The following OSCP1 variants were observed in gnomAD, a reference collection of about 807,000 sequenced individuals.
OSCP1 encodes organic solute carrier partner 1, also known as protein OSCP1.
A neutral mutation model predicts 45.1 loss-of-function variants in OSCP1; 35 were observed. The observed-to-expected ratio is 0.78, with a 90% confidence interval of 0.59 to 1.03. OSCP1 has a LOEUF of 1.03. Ranked by LOEUF, OSCP1 falls within the 50% of genes least tolerant of loss-of-function variation. The pLI is 0.00. For synonymous variants in OSCP1, 179 were observed against 180.1 expected (o/e 0.99, Z 0.05); for missense variants, 400 against 470.7 (o/e 0.85, Z 1.39).
rs867531784 is a variant in OSCP1 at position 36,429,956 on chromosome 1, G to A, written c.516+1846C>T. On this transcript the variant is annotated intron_variant, in intron 4 of 9. Transcript: ENST00000235532. ...CTCCCGAGTAGCTGGGATTAAAGGC[G>A]CCTGGCTAATTTTTGTATTTTTAGT... 4.6e-5 allele frequency among the ~76,000 whole-genome samples: 7 copies of A among 151,886 alleles called. 1 individual carries two copies. The highest frequency in any genetic ancestry group is 4.2e-4 in the South Asian group (2 of 4,806).
rs1649622710 is a variant in OSCP1 at position 36,447,543 on chromosome 1, T to C, written c.112+2715A>G. Among the ~76,000 whole-genome samples the C allele has an allele frequency of 6.6e-6, 1 of 152,132 alleles. No homozygotes were observed. Among genetic ancestry groups the C allele is most frequent in the Admixed American group, 6.5e-5 (1 of 15,272 alleles). ...GGACATTGGTTATAGTAAGGGGACATTGGCTGAGTATGAACTTTGGAGCCT... is the reference window on the plus strand; with the variant it reads ...GGACATTGGTTATAGTAAGGGGACACTGGCTGAGTATGAACTTTGGAGCCT... On this transcript the variant is annotated intron_variant, in intron 1 of 9. Coordinates refer to ENST00000235532, the MANE Select transcript of OSCP1 (RefSeq NM_145047.5). This position sits in a 1 kb window ranked among gnomAD's most constrained non-coding sequence, Gnocchi z 4.1.
chr1:36,429,560 T>TTTTTTTTTTTA (rs71053932), intron 4 of OSCP1, among the ~76,000 whole-genome samples: 1 of 118,510 alleles, frequency 8.4e-6, no homozygotes, highest in African/African-American at 3.3e-5. Context: ...TTTTTTTTTT[T>TTTTTTTTTTTA]GAGACATGGT....
chr1:36,445,244 G>A (rs547870989), intron 1 of OSCP1, among the ~76,000 whole-genome samples: 2 of 152,306 alleles, frequency 1.3e-5, no homozygotes, highest in South Asian at 4.1e-4. Flanking sequence ...CAGCTACTTG[G>A]GAGGCTGAAG....
chr1:36,422,683 A>G lies in OSCP1; in HGVS notation c.749+85T>C, dbSNP rs1647725773. ...TATTGTCGGCAGGGATTTTCATAGCAGAAGTCTGGCTGTTTCTCTTTTTTT... is the reference window on the plus strand; with the variant it reads ...TATTGTCGGCAGGGATTTTCATAGCGGAAGTCTGGCTGTTTCTCTTTTTTT... On this transcript the variant is annotated intron_variant, in intron 6 of 9. Coordinates refer to ENST00000235532, the MANE Select transcript of OSCP1 (RefSeq NM_145047.5). 4 of 1,308,018 alleles carry G rather than the reference A, an allele frequency of 3.1e-6. No individual in the cohort carries two copies. The Admixed American group carries it at 7.5e-5, about 25-fold the overall frequency. The allele number at this position is 1,308,018 out of a possible 1,614,324, so 81.0% of individuals were successfully genotyped here. A position where few individuals can be genotyped will look rare whatever the true frequency, so the allele number is the denominator to read the frequency against.
chr1:36,420,403 G>A, intron 8 of OSCP1, 73 bp downstream of exon 8: 1 of 1,521,350 alleles, frequency 6.6e-7, no homozygotes, highest in Non-Finnish European at 8.9e-7. Flanking sequence ...CCACTGGTTT[G>A]TAATAGTCAT....
At chr1:36,435,289 G>A (rs1209339001) in intron 2 of OSCP1, among the ~76,000 whole-genome samples, 1 of 145,240 alleles carries the variant, frequency 6.9e-6, no homozygotes, top group Non-Finnish European at 1.5e-5. Context: ...GTAGAGATGA[G>A]GTCTCACTAT....
chr1:36,436,640 A>G (rs1648767289), intron 2 of OSCP1, among the ~76,000 whole-genome samples: 1 of 152,208 alleles, frequency 6.6e-6, no homozygotes, highest in Non-Finnish European at 1.5e-5. Flanking sequence ...GAGCTGCAAG[A>G]CACTGTGCCT....
At chr1:36,442,134 G>C (rs944325617) in intron 1 of OSCP1, among the ~76,000 whole-genome samples, 6 of 152,060 alleles carry the variant, frequency 3.9e-5, no homozygotes, top group African/African-American at 1.4e-4. Flanking sequence ...GGCTGAGGCA[G>C]GAGAATTGCT....
rs1222850714 is a variant in OSCP1 at position 36,427,051 on chromosome 1, A to ATCTC, written c.517-3586_517-3585insGAGA. Among the ~76,000 whole-genome samples the ATCTC allele has an allele frequency of 4.8e-5, 7 of 147,186 alleles. No homozygotes were observed. In the East Asian group the frequency reaches 1.4e-3, roughly 30 times the overall value. Reference sequence around the variant, plus strand: ...AGTCTTGCTCTGTCGCCCAGGCTAGAGTACAGTGGCATGATCTCGGCTTAC... The same window carrying ATCTC: ...AGTCTTGCTCTGTCGCCCAGGCTAGATCTCGTACAGTGGCATGATCTCGGCTTAC... On this transcript the variant is annotated intron_variant, in intron 4 of 9. Transcript: ENST00000235532.
At chr1:36,449,909 A>G (rs1271044042) in intron 1 of OSCP1, among the ~76,000 whole-genome samples, 1 of 142,170 alleles carries the variant, frequency 7.0e-6, no homozygotes, top group Non-Finnish European at 1.5e-5. Flanking sequence ...TGCTTGGACT[A>G]GCAAGGGGTA....
chr1:36,422,071 AGCGT>A, intron 7 of OSCP1, 75 bp downstream of exon 7: 7 of 1,378,908 alleles, frequency 5.1e-6, no homozygotes, highest in Non-Finnish European at 7.2e-6. Context: ...CGAAATCTAA[AGCGT>A]TCTCACCTCT....
At chr1:36,422,054 C>T in intron 7 of OSCP1, 96 bp downstream of exon 7, 4 of 1,200,394 alleles carry the variant, frequency 3.3e-6, no homozygotes, top group Non-Finnish European at 2.5e-6. Context: ...GAAATGTTGG[C>T]TAGATCCGAA....
At chr1:36,435,632 C>CT (rs944833294) in intron 2 of OSCP1, among the ~76,000 whole-genome samples, 175 of 145,816 alleles carry the variant, frequency 1.2e-3, no homozygotes, top group Non-Finnish European at 1.7e-3. Flanking sequence ...GTTAAAGTAA[C>CT]TTTTTTTTTT....
At position 36,420,530 on chromosome 1, in the gene OSCP1, C is replaced by T; in HGVS notation, c.905G>A (p.Ser302Asn). Reference protein sequence around the residue: ...LMGGMEIKKPSGPEPGFRLNL... With the variant: ...LMGGMEIKKPNGPEPGFRLNL... ...CAACCGGAATCCGGGCTCAGGGCCA[C>T]TGGGTTTCTTAATCTCCATCCCTCC... Residue 302 changes from serine (S) to asparagine (N), a missense_variant, in exon 8 of 10, where the codon AGT (serine) becomes AAT (asparagine). Transcript: ENST00000235532. 6.2e-7 allele frequency: 1 copy of T among 1,614,092 alleles called. No individual in the cohort carries two copies. The highest frequency in any genetic ancestry group is 8.5e-7 in the Non-Finnish European group (1 of 1,180,012).
At chr1:36,445,784 G>A (rs979964583) in intron 1 of OSCP1, among the ~76,000 whole-genome samples, 2 of 151,518 alleles carry the variant, frequency 1.3e-5, no homozygotes, top group Non-Finnish European at 2.9e-5. Context: ...GTGCGATCTC[G>A]GCTCACTGCA....
Position 36,450,442 on chromosome 1 carries a change from G to T in OSCP1, c.-73C>A, listed in dbSNP as rs1374595457. 7.8e-7 allele frequency: 1 copy of T among 1,278,452 alleles called. No homozygotes were observed. Among genetic ancestry groups the T allele is most frequent in the Non-Finnish European group, 1.1e-6 (1 of 882,806 alleles). The allele number at this position is 1,278,452 out of a possible 1,614,324, so 79.2% of individuals were successfully genotyped here. On this transcript the variant is annotated 5_prime_UTR_variant, in exon 1 of 10. The change creates a new upstream start codon in the 5' untranslated region. Transcript: ENST00000235532. ...CCAGTGGCCTGAAGGCCAGGCCGCAGCGTCCCAATAGTCCGGTTGCTGGGG... is the reference window on the plus strand; with the variant it reads ...CCAGTGGCCTGAAGGCCAGGCCGCATCGTCCCAATAGTCCGGTTGCTGGGG...
At chr1:36,437,524 C>T (rs886722714) in intron 2 of OSCP1, among the ~76,000 whole-genome samples, 10 of 151,826 alleles carry the variant, frequency 6.6e-5, no homozygotes, top group African/African-American at 2.4e-4. Flanking sequence ...ATTTATTTTA[C>T]TTATTTATTT....
chr1:36,420,069 G>T (rs1160882909), intron 8 of OSCP1, among the ~76,000 whole-genome samples: 1 of 150,964 alleles, frequency 6.6e-6, no homozygotes, highest in African/African-American at 2.4e-5. Flanking sequence ...TCTGCCTCCC[G>T]GGTTCAAGTG....
chr1:36,431,721 C>A, intron 4 of OSCP1, 81 bp downstream of exon 4: 1 of 1,372,334 alleles, frequency 7.3e-7, no homozygotes, highest in South Asian at 1.3e-5. Flanking sequence ...AATCTCCGTC[C>A]TTGTTTGCCC....
Sources: allele counts gnomAD v4.1 joint callset (sites outside exome capture counted in the v4.1 genomes callset), GRCh38; gene constraint gnomAD v4.1.1; non-coding constraint Gnocchi (gnomAD v3.1); transcripts MANE v1.5; gene names NCBI Gene and HGNC (gene_info 2026-07-23, HGNC 2026-07-21).